LRP8: variants seen among roughly 807,000 people sequenced by gnomAD.
LRP8 encodes the protein LDL receptor related protein 8.
Under a neutral mutation model 111.6 loss-of-function variants are expected in LRP8, and 46 were observed. That is an observed-to-expected ratio of 0.41 (90% CI 0.33 to 0.53). The LOEUF (loss-of-function observed/expected upper bound fraction) is 0.53. Ranked by LOEUF, LRP8 falls within the 20% of genes least tolerant of loss-of-function variation. LRP8 has a pLI of 0.20. For synonymous variants in LRP8, 464 were observed against 511.2 expected, an observed-to-expected ratio of 0.91 and a Z score of 1.24; for missense variants, 959 against 1,297.4, an observed-to-expected ratio of 0.74 and a Z score of 4.01.
chr1:53,312,986 C>G (rs753675409), intron 2 of LRP8, among the ~76,000 whole-genome samples: 1 of 152,206 alleles, frequency 6.6e-6, no homozygotes, highest in Non-Finnish European at 1.5e-5. Flanking sequence ...TCCTGTGAAG[C>G]TTGGACCAGT....
At position 53,280,712 on chromosome 1, in the gene LRP8, T is replaced by G; in HGVS notation, c.371A>C (p.Lys124Thr). 1 of 1,611,558 alleles carries G rather than the reference T, an allele frequency of 6.2e-7. No homozygotes were observed. Among genetic ancestry groups the G allele is most frequent in the South Asian group, 1.1e-5 (1 of 91,080 alleles). The change falls in exon 4 of 19, where the codon AAG (lysine) becomes ACG (threonine). Residue 124 changes from lysine to threonine, a missense_variant. Around this residue, in one of 3 missense-constraint regions of LRP8, gnomAD observed 43 missense variants for 92.4 expected, o/e 0.47. Transcript: ENST00000306052. Reference protein sequence around the residue: ...GSDESEATCTKQVCPAEKLSC... With the variant: ...GSDESEATCTTQVCPAEKLSC... ...CAGCTTCTCTGCAGGACACACCTGC[T>G]TGGCTGTGGAGACAGACGTCCATGC...
Position 53,301,881 on chromosome 1 carries a change from G to A in LRP8, c.245-12192C>T, listed in dbSNP as rs116484066. Among the ~76,000 whole-genome samples, 397 of 152,252 alleles carry A rather than the reference G, an allele frequency of 2.6e-3. 3 individuals carry two copies. Among genetic ancestry groups the A allele is most frequent in the African/African-American group, 9.2e-3 (381 of 41,536 alleles). On this transcript the variant is annotated intron_variant, in intron 2 of 18. Transcript: ENST00000306052. ...GAGTCTATAGCCAAACTGAGGAAAG[G>A]AGAACCCCAGGTGTAACAGCCACAA...
In LRP8 at chr1:53,271,317, C is replaced by T. The variant is rs773824999; in HGVS notation, c.1036G>A (p.Gly346Ser). The T allele has an allele frequency of 2.5e-6, 4 of 1,613,916 alleles. No individual in the cohort carries two copies. Among genetic ancestry groups the T allele is most frequent in the East Asian group, 2.2e-5 (1 of 44,852 alleles). Reference protein sequence around the residue: ...GLNECLHNNGGCSHICTDLKI... With the variant: ...GLNECLHNNGSCSHICTDLKI... ...AGGTCAGTGCAGATGTGTGAGCAGC[C>T]GCCATTGTTGTGCAGACACTCGTTC... The change falls in exon 7 of 19, where the codon GGC (glycine) becomes AGC (serine). Residue 346 changes from glycine to serine, a missense_variant. By Grantham distance (56) the Gly-to-Ser change is moderately conservative. Transcript: ENST00000306052.
At chr1:53,278,654 G>T (rs980685567) in intron 4 of LRP8, among the ~76,000 whole-genome samples, 8 of 151,756 alleles carry the variant, frequency 5.3e-5, no homozygotes, top group Admixed American at 1.3e-4. Flanking sequence ...TCAATATTAC[G>T]CTGACACCTA....
chr1:53,272,067 C>T (rs750336122), intron 6 of LRP8, among the ~76,000 whole-genome samples: 23 of 151,920 alleles, frequency 1.5e-4, no homozygotes, highest in Non-Finnish European at 2.8e-4. Flanking sequence ...GATGCCCCCC[C>T]TAATGTGCTT....
chr1:53,327,441 T>C (rs929023397), intron 1 of LRP8: 7 of 261,374 alleles, frequency 2.7e-5, no homozygotes, highest in Non-Finnish European at 4.3e-5. Flanking sequence ...CCGGCTCTGC[T>C]CATTACCGCC....
chr1:53,299,085 G>A (rs1439195076), intron 2 of LRP8, among the ~76,000 whole-genome samples: 2 of 152,218 alleles, frequency 1.3e-5, no homozygotes, highest in South Asian at 2.1e-4. Context: ...CCCACGAGGC[G>A]CAGACACTCC....
Position 53,294,426 on chromosome 1 carries a change from T to C in LRP8, c.245-4737A>G, listed in dbSNP as rs1364125342. Among the ~76,000 whole-genome samples the C allele has an allele frequency of 6.6e-6, 1 of 152,170 alleles. No individual in the cohort carries two copies. Among genetic ancestry groups the C allele is most frequent in the African/African-American group, 2.4e-5 (1 of 41,448 alleles). ...GCCAAGGAAAGTGCCAGACAGTCCA[T>C]GGTCTATCAAACTGCGCCCTGCCAC... On this transcript the variant is annotated intron_variant, in intron 2 of 18. Transcript: ENST00000306052. This position sits in a 1 kb window ranked among gnomAD's most constrained non-coding sequence, Gnocchi z 4.1.
At chr1:53,252,142 A>G (rs1325503878) in intron 16 of LRP8, among the ~76,000 whole-genome samples, 1 of 152,222 alleles carries the variant, frequency 6.6e-6, no homozygotes, top group East Asian at 1.9e-4. Flanking sequence ...TCTTAAGAGA[A>G]GCTGGTGAAA....
At chr1:53,305,164 G>T (rs910616470) in intron 2 of LRP8, 4 of 152,228 alleles carry the variant, frequency 2.6e-5, no homozygotes, top group African/African-American at 9.6e-5. Flanking sequence ...ACAAAAACAG[G>T]TGAAGGAACG....
intron 3 of LRP8, among the ~76,000 whole-genome samples, chr1:53,283,631 ACT>A: frequency 5.5e-5 from 1 of 18,278 alleles, no homozygotes; most frequent in Non-Finnish European, 1.3e-4. Flanking sequence ...CCACTTACTT[ACT>A]TACTACATAC....
At chr1:53,261,651 G>A (rs999921357) in intron 12 of LRP8, among the ~76,000 whole-genome samples, 2 of 152,222 alleles carry the variant, frequency 1.3e-5, no homozygotes, top group African/African-American at 4.8e-5. Flanking sequence ...TCTGGCAGAG[G>A]TCAATAAAAG....
rs1355062097 is a variant in LRP8, at chr1:53,257,438, ACGT to A, written c.2233_2235del (p.Thr745del). On this transcript the variant is annotated inframe_deletion, in exon 15 of 19. Transcript: ENST00000306052. ...ACTGTCCTCGTCATGGTAGAAGCTA[ACGT>A]CGTAGTTGAGGTAGATTGAGGTGCT... 2 of 1,614,020 alleles carry A rather than the reference ACGT, an allele frequency of 1.2e-6. No individual in the cohort carries two copies. The highest frequency in any genetic ancestry group is 8.5e-7 in the Non-Finnish European group (1 of 1,180,026).
chr1:53,295,592 C>T (rs1427489888), intron 2 of LRP8, among the ~76,000 whole-genome samples: 1 of 152,022 alleles, frequency 6.6e-6, no homozygotes, highest in Non-Finnish European at 1.5e-5. Flanking sequence ...AAAATCGGCC[C>T]TTAGCAGAGG....
intron 2 of LRP8, among the ~76,000 whole-genome samples, chr1:53,302,475 G>T (rs1359892586): frequency 1.3e-5 from 2 of 152,106 alleles, no homozygotes; most frequent in Admixed American, 6.5e-5. Context: ...GGCCCAGAGA[G>T]GGGAGATGAG....
intron 6 of LRP8, among the ~76,000 whole-genome samples, chr1:53,274,335 TAGA>T (rs1646849867): frequency 6.6e-6 from 1 of 152,078 alleles, no homozygotes; most frequent in Admixed American, 6.5e-5. Context: ...TGCAAGGGGC[TAGA>T]AGACCTCAGA....
At chr1:53,316,118 A>G (rs537194833) in intron 2 of LRP8, among the ~76,000 whole-genome samples, 138 of 152,372 alleles carry the variant, frequency 9.1e-4, no homozygotes, top group African/African-American at 3.3e-3. Context: ...GCTACTTTAC[A>G]TAGGCCAGGA....
intron 1 of LRP8, chr1:53,327,220 A>G (rs1655255535): frequency 1.7e-6 from 1 of 581,796 alleles, no homozygotes; most frequent in Non-Finnish European, 3.0e-6. Flanking sequence ...TTAAAGTGTC[A>G]CACGACCTGG....
rs185254863 is a variant in LRP8 at position 53,271,243 on chromosome 1, G to A, written c.1110C>T (p.Asp370=). 1.9e-4 allele frequency: 303 copies of A among 1,613,868 alleles called. 2 individuals carry two copies. In the East Asian group the frequency reaches 6.5e-3, roughly 35 times the overall value. ...AGGTCTCACCGCCACAGGTCTTCTG[G>A]TCCAGGAGCTGGAAGCCTGCTGGGC... ...CTCPAGFQLL[D]QKTCGDIDEC... Residue 370 remains aspartate (D), a synonymous_variant, in exon 7 of 19, where the codon GAC becomes GAT. Transcript: ENST00000306052.
Sources: allele counts gnomAD v4.1 joint callset (sites outside exome capture counted in the v4.1 genomes callset), GRCh38; gene constraint gnomAD v4.1.1; regional missense constraint gnomAD v4.1.1; non-coding constraint Gnocchi (gnomAD v3.1); transcripts MANE v1.5; gene names NCBI Gene and HGNC (gene_info 2026-07-23, HGNC 2026-07-21).